The following CDYL variants were observed in gnomAD, a reference collection of about 807,000 sequenced individuals.
CDYL encodes chromodomain Y-like protein.
In CDYL, 8 loss-of-function variants were observed where a neutral mutation model predicts 47.3. The observed-to-expected ratio is 0.17, with a 90% CI of 0.10 to 0.31. The LOEUF is 0.31. Among genes scored for constraint, CDYL ranks in the 10% least tolerant of loss-of-function variants. The pLI, the probability that CDYL is intolerant of heterozygous loss-of-function variation, is 1.00. For missense variants in CDYL, 471 were observed against 701.4 expected, an observed-to-expected ratio of 0.67 and a Z score of 3.71; for synonymous variants, 266 against 265.0, an observed-to-expected ratio of 1.00 and a Z score of -0.04.
intron 1 of CDYL, among the ~76,000 whole-genome samples, chr6:4,889,813 T>G (rs776351686): frequency 2.6e-5 from 4 of 152,210 alleles, no homozygotes; most frequent in Non-Finnish European, 5.9e-5. Flanking sequence ...TCCTTATGTA[T>G]ACTCAGTCTG....
intron 3 of CDYL, among the ~76,000 whole-genome samples, chr6:4,758,117 A>G (rs1040302359): frequency 6.6e-6 from 1 of 151,858 alleles, no homozygotes; most frequent in Non-Finnish European, 1.5e-5. Flanking sequence ...AGGCAGGTGG[A>G]TCATTTGAGG....
intron 1 of CDYL, among the ~76,000 whole-genome samples, chr6:4,871,981 T>A (rs1460688623): frequency 6.6e-6 from 1 of 152,210 alleles, no homozygotes; most frequent in Non-Finnish European, 1.5e-5. Flanking sequence ...CAGTTTGGGT[T>A]TCTGACCAGA....
At position 4,818,947 on chromosome 6, in the gene CDYL, T is replaced by C. The variant is rs141013004; in HGVS notation, c.24+42140T>C. ...ACCACAGGTCTGTTGTAAAAGTTAA[T>C]GCAGGTGCGGTGTCACTGCTATCCT... On this transcript the variant is annotated intron_variant, in intron 1 of 6. Transcript: ENST00000397588. Among the ~76,000 whole-genome samples, 622 of 152,328 alleles carry C rather than the reference T, an allele frequency of 4.1e-3. 1 individual carries two copies. The highest frequency in any genetic ancestry group is 0.014 in the African/African-American group (581 of 41,578).
At chr6:4,952,562 A>G (rs1321290180) in intron 6 of CDYL, among the ~76,000 whole-genome samples, 153 bp downstream of exon 6, 2 of 152,168 alleles carry the variant, frequency 1.3e-5, no homozygotes, top group Non-Finnish European at 2.9e-5. Flanking sequence ...TATTGCCGCC[A>G]CTGCCCCCAC....
At chr6:4,828,621 T>A (rs983091326) in intron 1 of CDYL, among the ~76,000 whole-genome samples, 3 of 152,186 alleles carry the variant, frequency 2.0e-5, no homozygotes, top group Admixed American at 1.3e-4. Flanking sequence ...TTATTCGGCT[T>A]GGAATTGATT....
intron 2 of CDYL, among the ~76,000 whole-genome samples, chr6:4,923,556 G>A (rs984383199): frequency 2.0e-5 from 3 of 152,048 alleles, no homozygotes; most frequent in African/African-American, 7.3e-5. Context: ...TCTTTGACGT[G>A]CTGATTTCAT....
chr6:4,878,872 A>G (rs1330936210), intron 1 of CDYL, among the ~76,000 whole-genome samples: 1 of 151,994 alleles, frequency 6.6e-6, no homozygotes, highest in East Asian at 1.9e-4. Flanking sequence ...TAAGGTGAAC[A>G]TTTAAAGGCA....
At chr6:4,707,470 C>T (rs1757068062) in intron 1 of CDYL, among the ~76,000 whole-genome samples, 2 of 152,146 alleles carry the variant, frequency 1.3e-5, no homozygotes, top group African/African-American at 2.4e-5. Flanking sequence ...GACTGGGTTT[C>T]ACCACGTTGG....
At chr6:4,908,524 A>C (rs565637719) in intron 2 of CDYL, among the ~76,000 whole-genome samples, 3 of 152,204 alleles carry the variant, frequency 2.0e-5, no homozygotes, top group African/African-American at 4.8e-5. Flanking sequence ...TATTGAAAAT[A>C]CCTCCTCAGA....
chr6:4,867,273 G>A (rs1761349604), intron 1 of CDYL, among the ~76,000 whole-genome samples: 1 of 151,744 alleles, frequency 6.6e-6, no homozygotes, highest in Non-Finnish European at 1.5e-5. Context: ...ATTTCTTCCT[G>A]CATACTGGAT....
chr6:4,938,507 AAACACGAAT>A (rs1423075810), intron 4 of CDYL, among the ~76,000 whole-genome samples: 3 of 152,246 alleles, frequency 2.0e-5, no homozygotes, highest in Admixed American at 6.5e-5. Flanking sequence ...TGGTGTATTG[AAACACGAAT>A]ACATTGTGGA....
At chr6:4,882,892 T>C (rs1052230703) in intron 1 of CDYL, among the ~76,000 whole-genome samples, 1 of 152,160 alleles carries the variant, frequency 6.6e-6, no homozygotes, top group African/African-American at 2.4e-5. Flanking sequence ...GTGAGAAATT[T>C]AACCCAAACA....
chr6:4,819,116 T>TTA (rs1218777784), intron 1 of CDYL, among the ~76,000 whole-genome samples: 1 of 76,672 alleles, frequency 1.3e-5, no homozygotes, highest in Non-Finnish European at 2.6e-5. Flanking sequence ...TTTAGGTTCG[T>TTA]TCTCTCTCTC....
chr6:4,806,224 G>T (rs985857283), intron 1 of CDYL, among the ~76,000 whole-genome samples: 1 of 151,502 alleles, frequency 6.6e-6, no homozygotes, highest in Non-Finnish European at 1.5e-5. Context: ...AGGAATGCTT[G>T]CAGTCCCTCC....
chr6:4,941,369 TA>T (rs1270022394), intron 4 of CDYL, among the ~76,000 whole-genome samples: 5 of 152,354 alleles, frequency 3.3e-5, no homozygotes, highest in African/African-American at 1.2e-4. Flanking sequence ...AAGTTTCTAC[TA>T]GGCAGAGAAA....
intron 3 of CDYL, among the ~76,000 whole-genome samples, chr6:4,765,188 G>A (rs950370502): frequency 6.6e-6 from 1 of 152,044 alleles, no homozygotes; most frequent in East Asian, 1.9e-4. Flanking sequence ...CAGGCATGGT[G>A]GTGGGCACTT....
intron 1 of CDYL, among the ~76,000 whole-genome samples, chr6:4,856,037 T>C (rs1281054950): frequency 6.6e-6 from 1 of 152,254 alleles, no homozygotes; most frequent in East Asian, 1.9e-4. Context: ...AAAAGTGTTA[T>C]GATCTGGCCC....
At chr6:4,894,890 TATATATACACAC>T (rs1762160066) in intron 2 of CDYL, among the ~76,000 whole-genome samples, 3 of 151,174 alleles carry the variant, frequency 2.0e-5, no homozygotes, top group African/African-American at 7.3e-5. Flanking sequence ...TATGTGTGTG[TATATATACACAC>T]GTACGTGTGT....
intron 1 of CDYL, among the ~76,000 whole-genome samples, chr6:4,781,238 A>G (rs1322534121): frequency 6.6e-6 from 1 of 152,206 alleles, no homozygotes; most frequent in African/African-American, 2.4e-5. Flanking sequence ...CTACTTTGCG[A>G]TAAGATTCCT....
Sources: allele counts gnomAD v4.1 joint callset (sites outside exome capture counted in the v4.1 genomes callset), GRCh38; gene constraint gnomAD v4.1.1; transcripts MANE v1.5; gene names NCBI Gene and HGNC (gene_info 2026-07-23, HGNC 2026-07-21).